The following BAZ2A variants were observed in gnomAD, a reference collection of about 807,000 sequenced individuals.
The protein encoded by BAZ2A is bromodomain adjacent to zinc finger domain protein 2A.
BAZ2A carries 34 observed loss-of-function variants against 199.9 expected under a neutral mutation model. The ratio of observed to expected loss-of-function variants is 0.17; its 90% confidence interval spans 0.13 to 0.23. BAZ2A has a LOEUF of 0.23. Among genes scored for constraint, BAZ2A ranks in the 10% least tolerant of loss-of-function variants. BAZ2A has a pLI of 1.00. For missense variants in BAZ2A, 2,002 were observed against 2,391.1 expected (o/e 0.84, Z 3.39); for synonymous variants, 857 against 883.9 (o/e 0.97, Z 0.54).
rs1159466279 is a variant in BAZ2A, at chr12:56,620,304, C to A, written c.-2-2772G>T. 3.3e-5 allele frequency among the ~76,000 whole-genome samples: 5 copies of A among 152,142 alleles called. No homozygotes were observed. In the East Asian group the frequency reaches 9.8e-4, roughly 30 times the overall value. ...AAATTAAGTAGCAGACCTAAACCTG[C>A]CATGCATCAGTGAAAAAATGGAGTC... On this transcript the variant is annotated intron_variant, in intron 1 of 28. Coordinates refer to ENST00000549884, the MANE Select transcript of BAZ2A (RefSeq NM_001300905.2).
chr12:56,614,896 G>A, intron 3 of BAZ2A, 118 bp downstream of exon 3: 1 of 1,082,322 alleles, frequency 9.2e-7, no homozygotes. Context: ...TCACCAACAT[G>A]CAAATCAGCC....
rs1424014349 is a variant in BAZ2A, at chr12:56,602,143, G to A, written c.3474C>T (p.Ala1158=). Residue 1158 remains alanine (A), a synonymous_variant, in exon 20 of 29, where the codon GCC becomes GCT. Coordinates refer to ENST00000549884, the MANE Select transcript of BAZ2A (RefSeq NM_001300905.2). ...KKETDSLKVA[A]HASLNPALFS... is the part of the protein sequence containing the mutation. Reference sequence around the variant, plus strand: ...AGAGGGCAGGGTTGAGTGACGCATGGGCTGCCACTTTTAAGGAGTCAGTTT... The same window carrying A: ...AGAGGGCAGGGTTGAGTGACGCATGAGCTGCCACTTTTAAGGAGTCAGTTT... 6.3e-7 allele frequency: 1 copy of A among 1,593,144 alleles called. No homozygotes were observed. Among genetic ancestry groups the A allele is most frequent in the Admixed American group, 1.8e-5 (1 of 56,652 alleles).
intron 1 of BAZ2A, chr12:56,621,052 ATAC>A: frequency 1.0e-6 from 1 of 985,124 alleles, no homozygotes; most frequent in Non-Finnish European, 1.2e-6. Flanking sequence ...AGTCCTGGAA[ATAC>A]TATGCCTAGA....
rs752653432 is a variant in BAZ2A, at chr12:56,601,561, A to G, written c.4056T>C (p.Leu1352=). 4 of 1,612,692 alleles carry G rather than the reference A, an allele frequency of 2.5e-6. No individual in the cohort carries two copies. The African/African-American group carries it at 5.3e-5, about 22-fold the overall frequency. The change falls in exon 20 of 29, where the codon CTT becomes CTC. Residue 1352 remains leucine, a synonymous_variant. Transcript: ENST00000549884. ...GGCTACTTACTGGCTTGGAGGAGGC[A>G]AGCTGCTGAGGGGAGGGAGTGGGTT... is the stretch of plus-strand genomic sequence containing the variant. ...EDQPTPSPQQ[L]ASSKPMNRPS...
chr12:56,609,647 TC>T (rs1950498696), intron 10 of BAZ2A, 88 bp downstream of exon 10: 4 of 1,330,294 alleles, frequency 3.0e-6, no homozygotes, highest in Non-Finnish European at 4.2e-6. Context: ...TTAGTTACAC[TC>T]CTGGGAAATC....
At chr12:56,634,215 C>T (rs545380494), upstream of BAZ2A, among the ~76,000 whole-genome samples, 1 of 152,198 alleles carries the variant, frequency 6.6e-6, no homozygotes, top group South Asian at 2.1e-4. Context: ...TCCCCATCGC[C>T]CCAACTCCCT....
chr12:56,635,002 G>A (rs1951413934), upstream of BAZ2A: 1 of 984,716 alleles, frequency 1.0e-6, no homozygotes. The surrounding 1 kb of genome is among the most constrained non-coding windows in gnomAD (Gnocchi z 4.1). Flanking sequence ...AGGTGGCCGA[G>A]CCGGGCGGCG....
At chr12:56,612,327 G>A in intron 5 of BAZ2A, 81 bp from the exon 6 acceptor site, 3 of 1,263,004 alleles carry the variant, frequency 2.4e-6, no homozygotes, top group Non-Finnish European at 3.3e-6. Flanking sequence ...AGTCAACCCT[G>A]GACCAAGCTA....
Position 56,604,227 on chromosome 12 carries a change from G to A in BAZ2A, c.3028C>T (p.Arg1010Trp), listed in dbSNP as rs1019236716. The A allele has an allele frequency of 2.5e-6, 4 of 1,605,972 alleles. No individual in the cohort carries two copies. Among genetic ancestry groups the A allele is most frequent in the East Asian group, 4.5e-5 (2 of 44,792 alleles). ...YRKNKWIVEG[R>W]LRRLKTVLAK... ...CTGTCTGGTCCCTACCTCCGGAGCCGGCCTTCAACAATCCACTTGTTTTTC... is the reference window on the plus strand; with the variant it reads ...CTGTCTGGTCCCTACCTCCGGAGCCAGCCTTCAACAATCCACTTGTTTTTC... Residue 1010 changes from arginine (R) to tryptophan (W), a missense_variant, in exon 16 of 29, where the codon CGG (arginine) becomes TGG (tryptophan). By Grantham distance (101) the Arg-to-Trp change is moderately radical. This residue lies in a region of BAZ2A where 1,081 missense variants were observed against 1,274.7 expected (regional missense o/e 0.85). Transcript: ENST00000549884.
chr12:56,600,605 C>T, intron 23 of BAZ2A, 76 bp downstream of exon 23: 1 of 1,573,450 alleles, frequency 6.4e-7, no homozygotes, highest in Non-Finnish European at 8.6e-7. Context: ...AGTAGGGACC[C>T]AGGGTTTTTT....
intron 14 of BAZ2A, 23 bp from the exon 15 acceptor site, chr12:56,604,822 G>A: frequency 1.2e-6 from 2 of 1,605,382 alleles, no homozygotes; most frequent in Non-Finnish European, 1.7e-6. Flanking sequence ...CAGCATAATG[G>A]GGGTGAGTAG....
In BAZ2A at chr12:56,597,581, CAGCGCGCGCTCTGAGGCTG is replaced by C. The variant is rs374170790; in HGVS notation, c.*1018_*1036del. On this transcript the variant is annotated 3_prime_UTR_variant, in exon 29 of 29. Coordinates refer to ENST00000549884, the MANE Select transcript of BAZ2A (RefSeq NM_001300905.2). ...AAGCACGCACACACACACACACACACAGCGCGCGCTCTGAGGCTGACACACACACACACACACACAGCGC... is the reference window on the plus strand; with the variant it reads ...AAGCACGCACACACACACACACACACACACACACACACACACACACAGCGC... 1.6e-4 allele frequency: 22 copies of C among 137,384 alleles called. No individual in the cohort carries two copies. Among genetic ancestry groups the C allele is most frequent in the African/African-American group, 2.9e-4 (10 of 34,600 alleles). The allele number at this position is 137,384 out of a possible 1,614,324, so 8.5% of individuals were successfully genotyped here. A position where few individuals can be genotyped will look rare whatever the true frequency, so the allele number is the denominator to read the frequency against.
intron 7 of BAZ2A, 160 bp from the exon 8 acceptor site, chr12:56,610,677 A>G: frequency 1.5e-6 from 1 of 653,518 alleles, no homozygotes; most frequent in Non-Finnish European, 2.6e-6. Context: ...CTTGGCTAGA[A>G]GGCTGACTTG....
At chr12:56,616,687 G>C (rs74873612) in intron 2 of BAZ2A, among the ~76,000 whole-genome samples, 1 of 152,136 alleles carries the variant, frequency 6.6e-6, no homozygotes, top group South Asian at 2.1e-4. Context: ...AACCCTCTTC[G>C]AGAGGATCGG....
At chr12:56,613,281 C>A (rs763810204) in intron 4 of BAZ2A, 48 bp from the exon 5 acceptor site, 6 of 1,570,674 alleles carry the variant, frequency 3.8e-6, no homozygotes, top group Non-Finnish European at 5.2e-6. Context: ...AGAAAAAAAT[C>A]AGAAAGCAAG....
chr12:56,602,996 G>T, intron 18 of BAZ2A, 139 bp from the exon 19 acceptor site: 2 of 1,127,284 alleles, frequency 1.8e-6, no homozygotes, highest in Non-Finnish European at 2.5e-6. Flanking sequence ...TTCAGAAGGT[G>T]ATTAAGTTTG....
chr12:56,624,616 C>CAAAAAAA (rs67249064), intron 1 of BAZ2A, among the ~76,000 whole-genome samples: 1 of 59,430 alleles, frequency 1.7e-5, no homozygotes, highest in African/African-American at 4.7e-5. Flanking sequence ...TTTCAGAGAA[C>CAAAAAAA]AAAAAAAAAA....
upstream of BAZ2A, among the ~76,000 whole-genome samples, chr12:56,637,236 A>C (rs1199227921): frequency 6.6e-6 from 1 of 152,222 alleles, no homozygotes; most frequent in African/African-American, 2.4e-5. Context: ...GGAAAAGAAC[A>C]CAAGAGGAAC....
intron 5 of BAZ2A, 138 bp downstream of exon 5, chr12:56,612,877 C>T: frequency 1.0e-6 from 1 of 976,544 alleles, no homozygotes; most frequent in East Asian, 2.6e-5. Flanking sequence ...CCGCCTCGGC[C>T]TCCCGAAGTG....
Sources: allele counts gnomAD v4.1 joint callset (sites outside exome capture counted in the v4.1 genomes callset), GRCh38; gene constraint gnomAD v4.1.1; regional missense constraint gnomAD v4.1.1; non-coding constraint Gnocchi (gnomAD v3.1); transcripts MANE v1.5; gene names NCBI Gene and HGNC (gene_info 2026-07-23, HGNC 2026-07-21).